The following PROX1 variants were observed in gnomAD, a reference collection of about 807,000 sequenced individuals.
PROX1 encodes prospero homeobox 1.
In PROX1, 7 loss-of-function variants were observed where a neutral mutation model predicts 58.8. The ratio of observed to expected loss-of-function variants is 0.12; its 90% confidence interval spans 0.07 to 0.22. The LOEUF (loss-of-function observed/expected upper bound fraction) is 0.22, where lower values mean the gene tolerates loss of function less well. Ranked by LOEUF, PROX1 falls within the 10% of genes least tolerant of loss-of-function variation. The probability of loss-of-function intolerance (pLI) is 1.00; values close to 1 mark genes in which losing one functional copy is unlikely to be tolerated. For synonymous variants in PROX1, 350 were observed against 358.3 expected (o/e 0.98, Z 0.26); for missense variants, 675 against 927.8 (o/e 0.73, Z 3.54).
In PROX1 at chr1:213,992,269, A is replaced by T. The variant is rs913638249; in HGVS notation, c.-68+3786A>T. ...ATGACAGGAAATTTAAAAACCTGAT[A>T]ACGCAATCTTAGTTAATTTAGGTAT... On this transcript the variant is annotated intron_variant, in intron 1 of 4. Transcript: ENST00000366958. 2.6e-5 allele frequency among the ~76,000 whole-genome samples: 4 copies of T among 152,298 alleles called. No individual in the cohort carries two copies. In the South Asian group the frequency reaches 8.3e-4, roughly 32 times the overall value.
intron 4 of PROX1, among the ~76,000 whole-genome samples, chr1:214,016,504 G>A (rs1664100759): frequency 1.3e-5 from 2 of 152,168 alleles, no homozygotes; most frequent in Non-Finnish European, 2.9e-5. Context: ...CAAAGCTGCT[G>A]AGCCGTTTAA....
intron 4 of PROX1, among the ~76,000 whole-genome samples, chr1:214,031,183 C>T (rs1664644907): frequency 6.6e-6 from 1 of 152,156 alleles, no homozygotes; most frequent in African/African-American, 2.4e-5. Flanking sequence ...CTCTTGTTTG[C>T]TCTGAGGAGA....
intron 1 of PROX1, among the ~76,000 whole-genome samples, chr1:213,994,842 G>T (rs935472050): frequency 7.4e-6 from 1 of 135,060 alleles, no homozygotes; most frequent in East Asian, 2.4e-4. Flanking sequence ...CCTAAAGCAG[G>T]CTCTTTTAAA....
intron 2 of PROX1, among the ~76,000 whole-genome samples, chr1:214,002,842 C>T (rs1290891843): frequency 3.9e-5 from 6 of 152,204 alleles, no homozygotes; most frequent in African/African-American, 1.2e-4. Flanking sequence ...AAAGGATTAT[C>T]TAACTGTTGC....
upstream of PROX1, chr1:213,987,509 C>T (rs182254646): frequency 2.1e-5 from 3 of 145,532 alleles, no homozygotes; most frequent in African/African-American, 5.1e-5. Flanking sequence ...CTCACTCGCT[C>T]GGCCACTCGG....
At chr1:214,029,921 C>T (rs1664589287) in intron 4 of PROX1, 1 of 152,522 alleles carries the variant, frequency 6.6e-6, no homozygotes, top group South Asian at 2.1e-4. Flanking sequence ...TTATTTACCG[C>T]ACAGTAGAAC....
intron 1 of PROX1, among the ~76,000 whole-genome samples, chr1:213,995,014 CT>C (rs1663204873): frequency 6.6e-6 from 1 of 151,764 alleles, no homozygotes; most frequent in African/African-American, 2.4e-5. Flanking sequence ...GATAGTCATT[CT>C]TTAAAGCTAG....
chr1:214,025,689 G>A (rs966991796), intron 4 of PROX1, among the ~76,000 whole-genome samples: 2 of 146,598 alleles, frequency 1.4e-5, no homozygotes, highest in African/African-American at 5.0e-5. Context: ...TTGAGATGGA[G>A]TCTCACTCTG....
At position 213,997,454 on chromosome 1, in the gene PROX1, T is replaced by C. The variant is rs1663315059; in HGVS notation, c.919T>C (p.Phe307Leu). Residue 307 changes from phenylalanine (F) to leucine (L), a missense_variant, in exon 2 of 5, where the codon TTT becomes CTT. By Grantham distance (22) the Phe-to-Leu change is conservative (BLOSUM62 0). Coordinates refer to ENST00000366958, the MANE Select transcript of PROX1 (RefSeq NM_001270616.2). The surrounding 1 kb of genome is among the most constrained non-coding windows in gnomAD (Gnocchi z 7.1). ...GATGTGCGAGCTAGACCCAGGACAG[T>C]TTATTGACCGAGCTCGAGCCCTGAT... ...NEMCELDPGQ[F>L]IDRARALIRE... 6.2e-7 allele frequency: 1 copy of C among 1,613,728 alleles called. No homozygotes were observed. Among genetic ancestry groups the C allele is most frequent in the South Asian group, 1.1e-5 (1 of 91,048 alleles).
intron 1 of PROX1, among the ~76,000 whole-genome samples, chr1:213,989,104 C>T (rs564218929): frequency 2.0e-5 from 3 of 152,254 alleles, no homozygotes; most frequent in East Asian, 3.9e-4. Flanking sequence ...CCTTTCACTT[C>T]TCCTTTTTTA....
Position 213,998,181 on chromosome 1 carries a change from G to A in PROX1, c.1646G>A (p.Gly549Glu). ...GCACACCCGCCCAGCACCGCCGAAG[G>A]GCTCTCCTTGTCGCTCATAAAGTCC... The part of the protein sequence containing the change: ...SPAHPPSTAE[G>E]LSLSLIKSEC... The change falls in exon 2 of 5, where the codon GGG (glycine) becomes GAG (glutamate). Residue 549 changes from glycine (G) to glutamate (E), a missense_variant. Transcript: ENST00000366958. 3.1e-6 allele frequency: 5 copies of A among 1,613,238 alleles called. No homozygotes were observed. Among genetic ancestry groups the A allele is most frequent in the Non-Finnish European group, 4.2e-6 (5 of 1,179,636 alleles).
At chr1:213,988,611 C>A (rs1662899897) in intron 1 of PROX1, 128 bp downstream of exon 1, 1 of 152,166 alleles carries the variant, frequency 6.6e-6, no homozygotes, top group Admixed American at 6.5e-5. Context: ...CATTATTCCC[C>A]CCAGGAGAAA....
At chr1:214,002,216 G>C (rs556879946) in intron 2 of PROX1, among the ~76,000 whole-genome samples, 3 of 151,942 alleles carry the variant, frequency 2.0e-5, no homozygotes, top group South Asian at 2.1e-4. Context: ...TGCTGCCTCC[G>C]CTGCTCCTCC....
At chr1:214,004,372 T>C (rs1168884222) in intron 2 of PROX1, among the ~76,000 whole-genome samples, 2 of 152,196 alleles carry the variant, frequency 1.3e-5, no homozygotes, top group African/African-American at 2.4e-5. Context: ...GCCTTCTTAT[T>C]TTGGGTAAGT....
Position 213,996,508 on chromosome 1 carries a change from T to C in PROX1, c.-28T>C, listed in dbSNP as rs755364160. On this transcript the variant is annotated 5_prime_UTR_variant, in exon 2 of 5. Coordinates refer to ENST00000366958, the MANE Select transcript of PROX1 (RefSeq NM_001270616.2). ...TGAGCTGTGCCCAGCTGACGAGCTT[T>C]TGAAGATGGCACAATAACCGTCCAG... The C allele has an allele frequency of 1.3e-6, 2 of 1,588,290 alleles. No homozygotes were observed. The highest frequency in any genetic ancestry group is 3.4e-5 in the Admixed American group (2 of 58,132).
chr1:214,005,283 T>G lies in PROX1; in HGVS notation c.1833+11T>G, dbSNP rs1389066528. 1 of 1,582,012 alleles carries G rather than the reference T, an allele frequency of 6.3e-7. No homozygotes were observed. The highest frequency in any genetic ancestry group is 8.6e-7 in the Non-Finnish European group (1 of 1,156,378). On this transcript the variant is annotated intron_variant, in intron 3 of 4. Coordinates refer to ENST00000366958, the MANE Select transcript of PROX1 (RefSeq NM_001270616.2). ...TTCTCCGACGTAAAGGTAGGGACTT[T>G]TTTTATTCTTAATTTTTTCATTTTC... is the stretch of plus-strand genomic sequence containing the variant.
chr1:214,031,072 C>G (rs546480700), intron 4 of PROX1, among the ~76,000 whole-genome samples: 2 of 146,804 alleles, frequency 1.4e-5, no homozygotes, highest in Non-Finnish European at 3.0e-5. Flanking sequence ...TGTGTGCGCG[C>G]GCGCGCATTC....
rs1664922875 is a variant in PROX1, at chr1:214,039,101, AATATAC to A, written c.*3273_*3278del. On this transcript the variant is annotated 3_prime_UTR_variant, in exon 5 of 5. Coordinates refer to ENST00000366958, the MANE Select transcript of PROX1 (RefSeq NM_001270616.2). ...ATACACACATATACACACATGTAAA[AATATAC>A]ATATATATATATGCGTGTGAAGTGG... 6.6e-6 allele frequency: 1 copy of A among 152,180 alleles called. No homozygotes were observed. The highest frequency in any genetic ancestry group is 1.5e-5 in the Non-Finnish European group (1 of 68,034). 9.4% of individuals were successfully genotyped at this position (152,180 alleles called of 1,614,324 possible). A position where few individuals can be genotyped will look rare whatever the true frequency, so the allele number is the denominator to read the frequency against.
intron 3 of PROX1, among the ~76,000 whole-genome samples, chr1:214,005,917 C>A (rs1159809913): frequency 6.6e-6 from 1 of 151,714 alleles, no homozygotes; most frequent in Non-Finnish European, 1.5e-5. Context: ...ATATTGGGAC[C>A]TCCTGGTTCT....
Sources: gnomAD v4.1 joint callset for allele counts (sites outside exome capture counted in the v4.1 genomes callset) on GRCh38, gnomAD v4.1.1 for gene constraint, Gnocchi (gnomAD v3.1) non-coding constraint, MANE v1.5 for transcripts, NCBI Gene and HGNC (gene_info 2026-07-23, HGNC 2026-07-21) for gene names.